The following ETS1 variants were observed in gnomAD, a reference collection of about 807,000 sequenced individuals.
The protein encoded by ETS1 is protein C-ets-1.
ETS1 carries 15 observed loss-of-function variants against 58.6 expected under a neutral mutation model. That is an observed-to-expected ratio of 0.26 (90% confidence interval 0.17 to 0.39). The LOEUF is 0.39. ETS1 is among the 10% of genes least tolerant of loss of function. ETS1 has a pLI of 1.00. For missense variants in ETS1, 417 were observed against 610.5 expected (o/e 0.68, Z 3.34); for synonymous variants, 214 against 218.2 (o/e 0.98, Z 0.17).
At chr11:128,543,193 C>CA (rs66563990) in intron 3 of ETS1, among the ~76,000 whole-genome samples, 9,212 of 86,954 alleles carry the variant, frequency 0.11, 363 homozygotes, top group Middle Eastern at 0.2. Flanking sequence ...AACTCTGTCT[C>CA]AAAAAAAAAA....
intron 3 of ETS1, chr11:128,526,208 C>A (rs1177369384): frequency 6.6e-6 from 1 of 152,168 alleles, no homozygotes; most frequent in African/African-American, 2.4e-5. Context: ...AGCCTGTTTG[C>A]CCTGGAAAGC....
At chr11:128,470,955 G>C (rs1344251697) in intron 8 of ETS1, among the ~76,000 whole-genome samples, 2 of 152,218 alleles carry the variant, frequency 1.3e-5, no homozygotes, top group Non-Finnish European at 2.9e-5. Context: ...TGCTTTGCAA[G>C]TGAAAGTATC....
intron 3 of ETS1, among the ~76,000 whole-genome samples, chr11:128,491,564 G>A (rs1862800729): frequency 6.6e-6 from 1 of 152,210 alleles, no homozygotes; most frequent in African/African-American, 2.4e-5. Flanking sequence ...TCAAAGTGTA[G>A]TCCTCAGAGC....
intron 3 of ETS1, among the ~76,000 whole-genome samples, chr11:128,548,735 A>T (rs969618516): frequency 6.6e-6 from 1 of 152,170 alleles, no homozygotes. Flanking sequence ...CTGGGAGTGG[A>T]AAGCTCGTCC....
Position 128,556,436 on chromosome 11 carries a change from C to G in ETS1, c.70-1G>C. 6.3e-7 allele frequency: 1 copy of G among 1,590,732 alleles called. No homozygotes were observed. The highest frequency in any genetic ancestry group is 8.5e-7 in the Non-Finnish European group (1 of 1,170,882). ...CATAAGTGTTGCTAGGTCCTTGCCT[C>G]TGTGCAAGAAAAAATAGAAGAAAAT... On this transcript the variant is annotated splice_acceptor_variant, in intron 2 of 9. Coordinates refer to ENST00000392668, the MANE Select transcript of ETS1 (RefSeq NM_001143820.2). LOFTEE classifies it high-confidence loss of function.
At chr11:128,572,896 A>T (rs550540316) in intron 2 of ETS1, among the ~76,000 whole-genome samples, 166 bp downstream of exon 2, 1 of 152,352 alleles carries the variant, frequency 6.6e-6, no homozygotes, top group South Asian at 2.1e-4. Flanking sequence ...TGATAAAATC[A>T]TAGATAATCT....
In ETS1 at chr11:128,580,435, A is replaced by G. The variant is rs537070432; in HGVS notation, c.-15+7053T>C. Among the ~76,000 whole-genome samples, 7 of 152,264 alleles carry G rather than the reference A, an allele frequency of 4.6e-5. No individual in the cohort carries two copies. In the South Asian group the frequency reaches 1.0e-3, roughly 23 times the overall value. ...ACTGTAACAAAAGCTCCCAAATCCA[A>G]TTCTCTAAGAACTCAGGTTTAAGAT... is the stretch of plus-strand genomic sequence containing the variant. On this transcript the variant is annotated intron_variant, in intron 1 of 9. Transcript: ENST00000392668.
At position 128,480,177 on chromosome 11, in the gene ETS1, G is replaced by C; in HGVS notation, c.1123+14C>G. ...TGCAGATGGAGTTGGCCTAAGCAGCGGGAGGGCGCCTACCTGTGTAGCCAG... is the reference window on the plus strand; with the variant it reads ...TGCAGATGGAGTTGGCCTAAGCAGCCGGAGGGCGCCTACCTGTGTAGCCAG... On this transcript the variant is annotated intron_variant, in intron 8 of 9. Transcript: ENST00000392668. The C allele has an allele frequency of 6.2e-7, 1 of 1,612,198 alleles. No homozygotes were observed. The highest frequency in any genetic ancestry group is 8.5e-7 in the Non-Finnish European group (1 of 1,179,016).
At chr11:128,560,328 G>A (rs1864384910) in intron 2 of ETS1, among the ~76,000 whole-genome samples, 1 of 152,140 alleles carries the variant, frequency 6.6e-6, no homozygotes, top group South Asian at 2.1e-4. Context: ...GGCCAGGCTG[G>A]TCTCGAATTC....
intron 5 of ETS1, 63 bp from the exon 6 acceptor site, chr11:128,486,209 G>A (rs1862628330): frequency 2.0e-6 from 2 of 1,012,196 alleles, no homozygotes; most frequent in East Asian, 4.8e-5. Context: ...TGGCCTAAAA[G>A]GATCTTGGAT....
intron 8 of ETS1, among the ~76,000 whole-genome samples, chr11:128,478,483 A>AAGGAAGGAAGGAAGGAAGGG: frequency 6.7e-6 from 1 of 150,272 alleles, no homozygotes; most frequent in African/African-American, 2.5e-5. Context: ...GGAAGGAAGG[A>AAGGAAGGAAGGAAGGAAGGG]AGGGCAGAAG....
chr11:128,573,004 C>T, intron 2 of ETS1, 58 bp downstream of exon 2: 1 of 1,397,510 alleles, frequency 7.2e-7, no homozygotes, highest in Non-Finnish European at 1.0e-6. Flanking sequence ...ACAGGAAGCA[C>T]AAGGAGGAGG....
chr11:128,520,792 T>C (rs750111947), intron 3 of ETS1, among the ~76,000 whole-genome samples: 15 of 152,258 alleles, frequency 9.9e-5, no homozygotes, highest in Non-Finnish European at 2.1e-4. Context: ...AACATCAGTA[T>C]GGTTGTGCTG....
intron 3 of ETS1, chr11:128,521,774 A>T (rs1863678398): frequency 1.6e-6 from 1 of 614,536 alleles, no homozygotes; most frequent in Non-Finnish European, 2.7e-6. Context: ...CTCGTCCTCC[A>T]GATCCAGCTG....
At chr11:128,494,846 G>C (rs939703326) in intron 3 of ETS1, among the ~76,000 whole-genome samples, 1 of 152,154 alleles carries the variant, frequency 6.6e-6, no homozygotes, top group African/African-American at 2.4e-5. Flanking sequence ...CTAGGGTTAG[G>C]AGATGAGGGA....
At chr11:128,483,761 T>C (rs1374198243) in intron 7 of ETS1, among the ~76,000 whole-genome samples, 1 of 152,200 alleles carries the variant, frequency 6.6e-6, no homozygotes, top group Non-Finnish European at 1.5e-5. Flanking sequence ...AAAGGTACCA[T>C]TGGGCTCTCC....
chr11:128,489,895 A>G (rs1320511775), intron 4 of ETS1, among the ~76,000 whole-genome samples: 1 of 152,164 alleles, frequency 6.6e-6, no homozygotes, highest in Non-Finnish European at 1.5e-5. Flanking sequence ...CTTAACTATA[A>G]TATACTTGAG....
chr11:128,498,103 C>T (rs1281407395), intron 3 of ETS1, among the ~76,000 whole-genome samples: 1 of 152,198 alleles, frequency 6.6e-6, no homozygotes, highest in Non-Finnish European at 1.5e-5. Flanking sequence ...AGATGAAGCT[C>T]GCTTTCATTC....
chr11:128,526,699 T>C (rs1863807697), intron 3 of ETS1: 1 of 326,436 alleles, frequency 3.1e-6, no homozygotes. Flanking sequence ...ATTCGAGAAC[T>C]ACCTGATTGG....
Sources: gnomAD v4.1 joint callset for allele counts (sites outside exome capture counted in the v4.1 genomes callset) on GRCh38, gnomAD v4.1.1 for gene constraint, MANE v1.5 for transcripts, NCBI Gene and HGNC (gene_info 2026-07-23, HGNC 2026-07-21) for gene names.